Variants in OPCML observed in about 807,000 individuals in gnomAD.
The protein encoded by OPCML is opioid binding protein/cell adhesion molecule like, also known as opioid-binding protein/cell adhesion molecule.
Under a neutral mutation model 37.8 loss-of-function variants are expected in OPCML, and 13 were observed. The observed-to-expected ratio is 0.34, with a 90% CI of 0.22 to 0.55. The LOEUF is 0.55. OPCML is among the 20% of genes least tolerant of loss of function. The pLI, the probability that OPCML is intolerant of heterozygous loss-of-function variation, is 0.91. For missense variants in OPCML, 341 were observed against 435.6 expected (o/e 0.78, Z 1.93); for synonymous variants, 176 against 168.8 (o/e 1.04, Z -0.33).
chr11:133,149,637 C>A (rs1166396240), intron 1 of OPCML, among the ~76,000 whole-genome samples: 1 of 152,168 alleles, frequency 6.6e-6, no homozygotes, highest in Non-Finnish European at 1.5e-5. Flanking sequence ...ACTTGATAAT[C>A]GGCTGTGGAA....
At chr11:133,519,668 T>C (rs1362120002) in intron 1 of OPCML, among the ~76,000 whole-genome samples, 1 of 152,222 alleles carries the variant, frequency 6.6e-6, no homozygotes, top group African/African-American at 2.4e-5. Flanking sequence ...GCATAAAATA[T>C]GACCTTGATA....
intron 1 of OPCML, among the ~76,000 whole-genome samples, chr11:133,432,065 A>G (rs2136918548): frequency 1.3e-5 from 2 of 152,110 alleles, no homozygotes; most frequent in East Asian, 3.9e-4. Context: ...GGACATAAAG[A>G]AGGGGACAGT....
At chr11:133,016,762 T>G (rs982460748) in intron 1 of OPCML, among the ~76,000 whole-genome samples, 40 of 152,152 alleles carry the variant, frequency 2.6e-4, no homozygotes, top group Admixed American at 9.8e-4. Context: ...TTCAGTACTT[T>G]CCACTGGTCC....
intron 1 of OPCML, among the ~76,000 whole-genome samples, chr11:133,516,874 A>G (rs1005498625): frequency 9.8e-5 from 15 of 152,330 alleles, no homozygotes; most frequent in Middle Eastern, 3.4e-3. Context: ...GCAGGTCTGT[A>G]TTCACTGATG....
intron 1 of OPCML, among the ~76,000 whole-genome samples, chr11:133,289,204 C>T (rs1374847482): frequency 1.3e-5 from 2 of 152,002 alleles, no homozygotes; most frequent in Admixed American, 1.3e-4. Context: ...GATAGTAAAC[C>T]CTGATTTAGG....
chr11:132,685,267 T>A (rs552792092), intron 2 of OPCML, among the ~76,000 whole-genome samples: 1 of 152,354 alleles, frequency 6.6e-6, no homozygotes, highest in African/African-American at 2.4e-5. Flanking sequence ...CTGTATGATG[T>A]CAGTCTTAGT....
At chr11:132,551,564 C>T (rs1431668914) in intron 3 of OPCML, among the ~76,000 whole-genome samples, 1 of 152,126 alleles carries the variant, frequency 6.6e-6, no homozygotes, top group Non-Finnish European at 1.5e-5. Context: ...CTCTTAAGAT[C>T]AGTGCTTTAG....
intron 1 of OPCML, among the ~76,000 whole-genome samples, chr11:133,351,531 T>C (rs2136692989): frequency 1.3e-5 from 1 of 77,852 alleles, no homozygotes; most frequent in East Asian, 1.0e-3. Context: ...CTGGGTCACC[T>C]AAGCCTCTCC....
chr11:132,467,836 A>G (rs1244725794), intron 4 of OPCML, among the ~76,000 whole-genome samples: 1 of 152,310 alleles, frequency 6.6e-6, no homozygotes, highest in Non-Finnish European at 1.5e-5. Context: ...AAGATTCTGA[A>G]TTCAAAGTTC....
At chr11:132,792,862 C>A (rs2466774) in intron 2 of OPCML, among the ~76,000 whole-genome samples, 1,598 of 152,294 alleles carry the variant, frequency 0.01, 16 homozygotes, top group Non-Finnish European at 0.018. Flanking sequence ...CGGGCCCGGG[C>A]AGCACAGCAG....
chr11:133,278,069 C>G (rs778828589), intron 1 of OPCML, among the ~76,000 whole-genome samples: 1 of 152,114 alleles, frequency 6.6e-6, no homozygotes, highest in African/African-American at 2.4e-5. Flanking sequence ...GAAAGTGAGC[C>G]GGGGACACCT....
At chr11:132,774,554 C>G (rs1431208175) in intron 2 of OPCML, among the ~76,000 whole-genome samples, 1 of 152,190 alleles carries the variant, frequency 6.6e-6, no homozygotes, top group African/African-American at 2.4e-5. Flanking sequence ...TCTGTGCTTG[C>G]AAAGTGGTGC....
intron 1 of OPCML, among the ~76,000 whole-genome samples, chr11:133,364,521 A>G (rs1457669009): frequency 6.6e-6 from 1 of 152,200 alleles, no homozygotes. Context: ...TCTGGTTGCA[A>G]ATTTCAGTTC....
intron 2 of OPCML, among the ~76,000 whole-genome samples, chr11:132,775,943 C>CT (rs1284223557): frequency 6.6e-6 from 1 of 152,108 alleles, no homozygotes; most frequent in Non-Finnish European, 1.5e-5. Context: ...CTTTCTGTTT[C>CT]TTTTTTTAGA....
At chr11:133,207,396 C>A (rs1451691465) in intron 1 of OPCML, among the ~76,000 whole-genome samples, 1 of 152,116 alleles carries the variant, frequency 6.6e-6, no homozygotes, top group Non-Finnish European at 1.5e-5. Context: ...AGGAGGGTAA[C>A]AATTGAATAT....
intron 2 of OPCML, among the ~76,000 whole-genome samples, chr11:132,916,381 T>G (rs1478806246): frequency 6.6e-6 from 1 of 152,062 alleles, no homozygotes; most frequent in Non-Finnish European, 1.5e-5. Flanking sequence ...ATGTGAAACA[T>G]GAAAAACGGA....
intron 2 of OPCML, among the ~76,000 whole-genome samples, chr11:132,896,760 G>A (rs984193386): frequency 6.6e-6 from 1 of 152,236 alleles, no homozygotes; most frequent in Non-Finnish European, 1.5e-5. Context: ...AGAAACTACT[G>A]TGGACTTATG....
intron 1 of OPCML, among the ~76,000 whole-genome samples, chr11:133,183,799 G>T (rs1486624938): frequency 6.6e-6 from 1 of 152,168 alleles, no homozygotes; most frequent in East Asian, 1.9e-4. Context: ...GAACTATTCA[G>T]CTCATGAACC....
intron 2 of OPCML, among the ~76,000 whole-genome samples, chr11:132,768,936 A>G (rs1946546742): frequency 6.6e-6 from 1 of 152,148 alleles, no homozygotes; most frequent in South Asian, 2.1e-4. Flanking sequence ...ATAAAATCGT[A>G]AAGAGCAGCT....
Sources: gnomAD v4.1 joint callset for allele counts (sites outside exome capture counted in the v4.1 genomes callset) on GRCh38, gnomAD v4.1.1 for gene constraint, MANE v1.5 for transcripts, NCBI Gene and HGNC (gene_info 2026-07-23, HGNC 2026-07-21) for gene names.